DOCK11: variants seen among roughly 807,000 people sequenced by gnomAD.
The protein encoded by DOCK11 is dedicator of cytokinesis 11.
Under a neutral mutation model 169.1 loss-of-function variants are expected in DOCK11, and 70 were observed. The ratio of observed to expected loss-of-function variants is 0.41; its 90% CI spans 0.34 to 0.51. The LOEUF is 0.51. Among genes scored for constraint, DOCK11 ranks in the 20% least tolerant of loss-of-function variants. DOCK11 has a pLI of 0.10. For missense variants in DOCK11, 1,166 were observed against 1,538.8 expected (o/e 0.76, Z 4.05); for synonymous variants, 529 against 541.3 (o/e 0.98, Z 0.32).
chrX:118,497,436 C>T (rs1015503707), intron 1 of DOCK11, among the ~76,000 whole-genome samples: 3 of 112,160 alleles, frequency 2.7e-5, no homozygotes, highest in Non-Finnish European at 3.8e-5. Context: ...ACTGTGCAAA[C>T]CTAAGTGACT....
intron 6 of DOCK11, among the ~76,000 whole-genome samples, chrX:118,546,972 A>G (rs1036432730): frequency 5.4e-5 from 6 of 111,095 alleles, no homozygotes; most frequent in Non-Finnish European, 1.1e-4. Context: ...CCTGGGCAAC[A>G]GAGGGAGAGT....
intron 18 of DOCK11, among the ~76,000 whole-genome samples, chrX:118,589,799 C>A (rs2013926588): frequency 1.8e-5 from 2 of 112,517 alleles, no homozygotes; most frequent in Admixed American, 9.4e-5. Flanking sequence ...CTTCACCTTG[C>A]CCACTGCACA....
intron 40 of DOCK11, among the ~76,000 whole-genome samples, chrX:118,648,273 A>ATATAGTGGC (rs1488728325): frequency 2.0e-4 from 18 of 89,152 alleles, no homozygotes; most frequent in African/African-American, 6.2e-4. Flanking sequence ...CTATATAGTG[A>ATATAGTGGC]TATAGTGGCA....
In DOCK11 at chrX:118,683,123, G is replaced by A. The variant is rs1337989069; in HGVS notation, c.6008G>A (p.Arg2003Gln). 7 of 1,209,476 alleles carry A rather than the reference G, an allele frequency of 5.8e-6. 1 individual carries two copies. Among genetic ancestry groups the A allele is most frequent in the South Asian group, 3.5e-5 (2 of 56,674 alleles). The part of the protein sequence containing the change: ...ACSIALELNE[R>Q]LIKEDQVEYH... ...AGCATTGCACTTGAACTAAATGAGC[G>A]GCTAATTAAAGAAGATCAAGTTGAG... Residue 2003 changes from arginine (R) to glutamine (Q), a missense_variant, in exon 52 of 53, where the codon CGG (arginine) becomes CAG (glutamine). By Grantham distance (43) the Arg-to-Gln change is conservative. Transcript: ENST00000276202.
chrX:118,634,544 C>T (rs763949802), intron 35 of DOCK11, among the ~76,000 whole-genome samples: 2 of 111,928 alleles, frequency 1.8e-5, no homozygotes, highest in Non-Finnish European at 3.8e-5. Context: ...ACCAACTTTT[C>T]GGCTAGAAGA....
intron 12 of DOCK11, among the ~76,000 whole-genome samples, chrX:118,577,068 C>T (rs1477019650): frequency 8.9e-6 from 1 of 112,751 alleles, no homozygotes; most frequent in Non-Finnish European, 1.9e-5. Flanking sequence ...ACTGCACAAA[C>T]CTTTCTGAGC....
At chrX:118,671,914 A>G (rs1319629633) in intron 46 of DOCK11, among the ~76,000 whole-genome samples, 1 of 112,674 alleles carries the variant, frequency 8.9e-6, no homozygotes, top group Non-Finnish European at 1.9e-5. Context: ...CTTGACCTCA[A>G]GTGATCCTCC....
chrX:118,604,950 G>A lies in DOCK11; in HGVS notation c.2563-288G>A, dbSNP rs773357551. Among the ~76,000 whole-genome samples, 6 of 111,692 alleles carry A rather than the reference G, an allele frequency of 5.4e-5. No homozygotes were observed. In the East Asian group the frequency reaches 1.7e-3, roughly 31 times the overall value. Reference sequence around the variant, plus strand: ...TCCCCACTGCCCCAGGCAATTGAGTGTTGGTTTACCAGGAGTCAGTTGTCA... The same window carrying A: ...TCCCCACTGCCCCAGGCAATTGAGTATTGGTTTACCAGGAGTCAGTTGTCA... On this transcript the variant is annotated intron_variant, in intron 23 of 52. Transcript: ENST00000276202.
intron 1 of DOCK11, among the ~76,000 whole-genome samples, chrX:118,532,803 G>T (rs1056310464): frequency 5.1e-5 from 5 of 97,870 alleles, no homozygotes; most frequent in Admixed American, 3.4e-4. Context: ...AAAAAAGAAG[G>T]TGTGCCTGTT....
intron 1 of DOCK11, among the ~76,000 whole-genome samples, chrX:118,512,054 C>A (rs1435468254): frequency 8.9e-6 from 1 of 112,112 alleles, no homozygotes; most frequent in Non-Finnish European, 1.9e-5. Flanking sequence ...GCTGGGACTA[C>A]AGGCGCACGC....
chrX:118,676,839 C>T, intron 48 of DOCK11, 102 bp downstream of exon 48: 1 of 737,462 alleles, frequency 1.4e-6, no homozygotes, highest in Non-Finnish European at 1.9e-6. Context: ...AGCATGAAAA[C>T]AGAGCTTTCC....
intron 35 of DOCK11, among the ~76,000 whole-genome samples, chrX:118,635,438 A>G: frequency 8.9e-6 from 1 of 112,285 alleles, no homozygotes. Context: ...GAAATGGGTA[A>G]GAAAGAGAAG....
chrX:118,649,931 A>G (rs775907869), intron 41 of DOCK11, among the ~76,000 whole-genome samples: 11 of 111,868 alleles, frequency 9.8e-5, no homozygotes, highest in Non-Finnish European at 1.7e-4. Context: ...TACCTAGCTC[A>G]TAGGATTTTT....
chrX:118,669,329 C>T (rs1041391941), intron 45 of DOCK11, among the ~76,000 whole-genome samples: 4 of 111,522 alleles, frequency 3.6e-5, no homozygotes, highest in African/African-American at 9.8e-5. Flanking sequence ...GTAATAGTTG[C>T]GTAGATATCT....
intron 48 of DOCK11, among the ~76,000 whole-genome samples, chrX:118,678,332 C>T (rs778683365): frequency 7.2e-5 from 8 of 111,611 alleles, no homozygotes; most frequent in Non-Finnish European, 1.5e-4. Context: ...AACCTGGAAG[C>T]AGTCTAAATG....
intron 48 of DOCK11, 72 bp downstream of exon 48, chrX:118,676,809 C>A: frequency 1.1e-6 from 1 of 945,807 alleles, no homozygotes; most frequent in South Asian, 3.3e-5. Flanking sequence ...CTGACTTTTT[C>A]CTTTTTTAAC....
rs148598451 is a variant in DOCK11, at chrX:118,505,334, A to G, written c.102+9261A>G. On this transcript the variant is annotated intron_variant, in intron 1 of 52. Coordinates refer to ENST00000276202, the MANE Select transcript of DOCK11 (RefSeq NM_144658.4). ...GAGACACCATGCCCAGCCTTGAGTG[A>G]GTTATTATATTCTTAATGTATAATA... is the stretch of plus-strand genomic sequence containing the variant. Among the ~76,000 whole-genome samples, 20 of 112,497 alleles carry G rather than the reference A, an allele frequency of 1.8e-4. No individual in the cohort carries two copies. In the East Asian group the frequency reaches 3.9e-3, roughly 22 times the overall value.
At chrX:118,506,672 A>T (rs2057614720) in intron 1 of DOCK11, among the ~76,000 whole-genome samples, 1 of 112,290 alleles carries the variant, frequency 8.9e-6, no homozygotes, top group Non-Finnish European at 1.9e-5. Context: ...TCAAAAAAAA[A>T]ATTATATTTT....
chrX:118,569,816 G>A (rs1324593924), intron 10 of DOCK11, among the ~76,000 whole-genome samples: 1 of 109,363 alleles, frequency 9.1e-6, no homozygotes, highest in Admixed American at 9.8e-5. Context: ...AAATTTACTT[G>A]TTCCAAGCAT....
Sources: allele counts gnomAD v4.1 joint callset (sites outside exome capture counted in the v4.1 genomes callset), GRCh38; gene constraint gnomAD v4.1.1; transcripts MANE v1.5; gene names NCBI Gene and HGNC (gene_info 2026-07-23, HGNC 2026-07-21).